Variants in ARPC2 observed in about 807,000 individuals in gnomAD.
ARPC2 encodes actin-related protein 2/3 complex subunit 2.
A neutral mutation model predicts 38.6 loss-of-function variants in ARPC2; 4 were observed. The observed-to-expected ratio is 0.10, with a 90% CI of 0.05 to 0.24. The LOEUF (loss-of-function observed/expected upper bound fraction) is 0.24, where lower values mean the gene tolerates loss of function less well. Among genes scored for constraint, ARPC2 ranks in the 10% least tolerant of loss-of-function variants. The pLI is 1.00. For missense variants in ARPC2, 229 were observed against 387.3 expected (o/e 0.59, Z 3.43); for synonymous variants, 125 against 140.8 (o/e 0.89, Z 0.79).
At chr2:218,245,330 GTCACA>G in intron 7 of ARPC2, 85 bp from the exon 8 acceptor site, 1 of 1,549,790 alleles carries the variant, frequency 6.5e-7, no homozygotes, top group South Asian at 1.2e-5. Flanking sequence ...GGCTACAAAG[GTCACA>G]CCACATAGAA....
intron 7 of ARPC2, among the ~76,000 whole-genome samples, chr2:218,244,747 C>T (rs534483865): frequency 1.2e-4 from 18 of 152,370 alleles, no homozygotes; most frequent in Admixed American, 2.6e-4. Flanking sequence ...AACAAGAGAC[C>T]TTGGAGAGTC....
chr2:218,248,174 TGTG>T (rs1439808292), intron 8 of ARPC2, among the ~76,000 whole-genome samples: 1 of 152,228 alleles, frequency 6.6e-6, no homozygotes, highest in Non-Finnish European at 1.5e-5. Flanking sequence ...ATGTTTCTCT[TGTG>T]GTACATAAAA....
At chr2:218,238,173 A>C (rs1339967692) in intron 5 of ARPC2, among the ~76,000 whole-genome samples, 1 of 152,202 alleles carries the variant, frequency 6.6e-6, no homozygotes. Flanking sequence ...AAGAGTTTGC[A>C]GTGGCACGTA....
At chr2:218,218,111 C>A (rs1689298628) in intron 2 of ARPC2, among the ~76,000 whole-genome samples, 1 of 152,214 alleles carries the variant, frequency 6.6e-6, no homozygotes. Flanking sequence ...GGTTTCCCTT[C>A]CCCGAACCCT....
At position 218,234,333 on chromosome 2, in the gene ARPC2, T is replaced by C; in HGVS notation, c.223-19T>C. On this transcript the variant is annotated intron_variant, in intron 4 of 10. Coordinates refer to ENST00000315717, the MANE Select transcript of ARPC2 (RefSeq NM_152862.3). Reference sequence around the variant, plus strand: ...CTTTGGATTAACGTATTTGGTTTTGTTTTGTTTTTATTTTCTAGTTATTAA... The same window carrying C: ...CTTTGGATTAACGTATTTGGTTTTGCTTTGTTTTTATTTTCTAGTTATTAA... 1 of 1,578,670 alleles carries C rather than the reference T, an allele frequency of 6.3e-7. No individual in the cohort carries two copies. Among genetic ancestry groups the C allele is most frequent in the Non-Finnish European group, 8.7e-7 (1 of 1,153,976 alleles).
intron 4 of ARPC2, among the ~76,000 whole-genome samples, chr2:218,232,425 T>C (rs1488786787): frequency 6.6e-6 from 1 of 152,138 alleles, no homozygotes; most frequent in East Asian, 1.9e-4. Flanking sequence ...ATATGTTATT[T>C]GACTCATGTT....
Position 218,238,767 on chromosome 2 carries a change from C to T in ARPC2, c.372C>T (p.Val124=). 2 of 1,613,848 alleles carry T rather than the reference C, an allele frequency of 1.2e-6. No homozygotes were observed. The change falls in exon 6 of 11, where the codon GTC becomes GTT. Residue 124 remains valine (V), a synonymous_variant. Coordinates refer to ENST00000315717, the MANE Select transcript of ARPC2 (RefSeq NM_152862.3). ...GMLKRNCFAS[V]FEKYFQFQEE... is the part of the protein sequence containing the mutation. ...TGAAGCGAAATTGTTTTGCCTCTGTCTTTGAAAAATACTTCCAATTCCAAG... is the reference window on the plus strand; with the variant it reads ...TGAAGCGAAATTGTTTTGCCTCTGTTTTTGAAAAATACTTCCAATTCCAAG...
chr2:218,219,841 A>T (rs1032429019), intron 2 of ARPC2, among the ~76,000 whole-genome samples: 25 of 58,806 alleles, frequency 4.3e-4, no homozygotes, highest in African/African-American at 7.7e-4. Context: ...GAAAATCTTT[A>T]AAAAAAAAGA....
rs781466543 is a variant in ARPC2 at position 218,239,455 on chromosome 2, G to A, written c.520G>A (p.Asp174Asn). The change falls in exon 7 of 11, where the codon GAT (aspartate) becomes AAT (asparagine). Residue 174 changes from aspartate to asparagine, a missense_variant. By Grantham distance (23) the Asp-to-Asn change is conservative (BLOSUM62 1). Around this residue, in one of 3 missense-constraint regions of ARPC2, gnomAD observed 135 missense variants for 214.1 expected, o/e 0.63. Transcript: ENST00000315717. ...CAGCACAGTGTTTAAGGATGACGAC[G>A]ATGTGGTCATTGGAAAGGTGTTCAT... ...VFSTVFKDDD[D>N]VVIGKVFMQE... 6.2e-7 allele frequency: 1 copy of A among 1,614,094 alleles called. No individual in the cohort carries two copies. Among genetic ancestry groups the A allele is most frequent in the Admixed American group, 1.7e-5 (1 of 60,030 alleles).
At chr2:218,245,645 G>C in intron 8 of ARPC2, 99 bp downstream of exon 8, 1 of 1,484,620 alleles carries the variant, frequency 6.7e-7, no homozygotes, top group Non-Finnish European at 9.1e-7. Flanking sequence ...TTTAAGGTAG[G>C]CAAACGCAGG....
In ARPC2 at chr2:218,254,130, C is replaced by T; in HGVS notation, c.*215C>T. On this transcript the variant is annotated 3_prime_UTR_variant, in exon 11 of 11. Coordinates refer to ENST00000315717, the MANE Select transcript of ARPC2 (RefSeq NM_152862.3). Reference sequence around the variant, plus strand: ...AATTAAAAAAAAAAAAAAAAGAATTCCACTTGATCAACTTAATTCCTTTTC... The same window carrying T: ...AATTAAAAAAAAAAAAAAAAGAATTTCACTTGATCAACTTAATTCCTTTTC... The T allele has an allele frequency of 3.7e-6, 2 of 538,394 alleles. No homozygotes were observed. Among genetic ancestry groups the T allele is most frequent in the Non-Finnish European group, 3.2e-6 (1 of 312,178 alleles). 33.4% of individuals were successfully genotyped at this position (538,394 alleles called of 1,614,324 possible). A position where few individuals can be genotyped will look rare whatever the true frequency, so the allele number is the denominator to read the frequency against.
Position 218,238,802 on chromosome 2 carries a change from A to G in ARPC2, c.407A>G (p.Lys136Arg), listed in dbSNP as rs147649871. Residue 136 changes from lysine (K) to arginine (R), a missense_variant, in exon 6 of 11, where the codon AAG becomes AGG. Lys to Arg is a conservative substitution (Grantham distance 26). Around this residue, in one of 3 missense-constraint regions of ARPC2, gnomAD observed 135 missense variants for 214.1 expected, o/e 0.63. Coordinates refer to ENST00000315717, the MANE Select transcript of ARPC2 (RefSeq NM_152862.3). ...TACTTCCAATTCCAAGAAGAGGGCA[A>G]GGAAGGAGAGAACAGGGCAGTTATC... ...EKYFQFQEEG[K>R]EGENRAVIHY... is the part of the protein sequence containing the mutation. 1.2e-4 allele frequency: 198 copies of G among 1,613,918 alleles called. No homozygotes were observed. The highest frequency in any genetic ancestry group is 4.9e-4 in the Middle Eastern group (3 of 6,082).
intron 5 of ARPC2, chr2:218,235,515 T>C (rs1272706621): frequency 1.3e-5 from 2 of 152,112 alleles, no homozygotes; most frequent in Non-Finnish European, 2.9e-5. Context: ...CTTTTTTTTT[T>C]TTAATCTCCA....
chr2:218,249,621 G>A, intron 9 of ARPC2, 157 bp downstream of exon 9: 1 of 751,534 alleles, frequency 1.3e-6, no homozygotes, highest in Non-Finnish European at 2.1e-6. Context: ...TCTTCATCAA[G>A]CCACTGTCCC....
rs954578887 is a variant in ARPC2, at chr2:218,217,225, C to T, written c.-38C>T. On this transcript the variant is annotated 5_prime_UTR_variant, in exon 1 of 11. Coordinates refer to ENST00000315717, the MANE Select transcript of ARPC2 (RefSeq NM_152862.3). Reference sequence around the variant, plus strand: ...GGCAGTGGCGGCGGCGGCGGCGGCTCGGCAGGCGGGTTCAGGCTTCGGGGG... The same window carrying T: ...GGCAGTGGCGGCGGCGGCGGCGGCTTGGCAGGCGGGTTCAGGCTTCGGGGG... 6 of 444,304 alleles carry T rather than the reference C, an allele frequency of 1.4e-5. No individual in the cohort carries two copies. The highest frequency in any genetic ancestry group is 2.3e-5 in the Non-Finnish European group (6 of 255,602). The allele number at this position is 444,304 out of a possible 1,614,324, so 27.5% of individuals were successfully genotyped here.
At chr2:218,248,019 A>T (rs1356496857) in intron 8 of ARPC2, among the ~76,000 whole-genome samples, 1 of 151,306 alleles carries the variant, frequency 6.6e-6, no homozygotes, top group African/African-American at 2.4e-5. Context: ...GCCTCAAGCA[A>T]TCCACTCACT....
At chr2:218,225,283 G>A (rs189209007) in intron 2 of ARPC2, among the ~76,000 whole-genome samples, 19 of 152,274 alleles carry the variant, frequency 1.2e-4, no homozygotes, top group African/African-American at 3.1e-4. Flanking sequence ...GTGTTATTTT[G>A]TGTTACACTG....
intron 10 of ARPC2, among the ~76,000 whole-genome samples, chr2:218,252,092 G>T (rs893842422): frequency 3.3e-5 from 5 of 152,242 alleles, no homozygotes; most frequent in African/African-American, 1.2e-4. Context: ...GCATGGTAGT[G>T]CATGCCTGTA....
intron 6 of ARPC2, 129 bp downstream of exon 6, chr2:218,238,979 T>C: frequency 1.3e-6 from 1 of 783,790 alleles, no homozygotes; most frequent in African/African-American, 1.8e-5. Context: ...TAAAATGTCT[T>C]AAGCCAGGAA....
Sources: allele counts gnomAD v4.1 joint callset (sites outside exome capture counted in the v4.1 genomes callset), GRCh38; gene constraint gnomAD v4.1.1; regional missense constraint gnomAD v4.1.1; transcripts MANE v1.5; gene names NCBI Gene and HGNC (gene_info 2026-07-23, HGNC 2026-07-21).